Variants in MYO10 observed in about 807,000 individuals in gnomAD.
MYO10 encodes myosin X.
A neutral mutation model predicts 257.3 loss-of-function variants in MYO10; 133 were observed. The observed-to-expected ratio is 0.52, with a 90% CI of 0.45 to 0.60. The LOEUF (loss-of-function observed/expected upper bound fraction) is 0.60, where lower values mean the gene tolerates loss of function less well. MYO10 is among the 20% of genes least tolerant of loss of function. The probability of loss-of-function intolerance (pLI) is 0.00; values close to 1 mark genes in which losing one functional copy is unlikely to be tolerated. For missense variants in MYO10, 2,399 were observed against 2,635.7 expected, an observed-to-expected ratio of 0.91 and a Z score of 1.97; for synonymous variants, 1,104 against 1,028.6, an observed-to-expected ratio of 1.07 and a Z score of -1.40.
rs1736140583 is a variant in MYO10 at position 16,665,835 on chromosome 5, T to G, written c.*857A>C. Reference sequence around the variant, plus strand: ...GTTATCTTGTAGGCTGCTTATCTGTTTATAATACAGCAGACACAGATGGCA... The same window carrying G: ...GTTATCTTGTAGGCTGCTTATCTGTGTATAATACAGCAGACACAGATGGCA... On this transcript the variant is annotated 3_prime_UTR_variant, in exon 41 of 41. Transcript: ENST00000513610. 1.3e-5 allele frequency: 2 copies of G among 152,682 alleles called. 1 individual carries two copies. Among genetic ancestry groups the G allele is most frequent in the Admixed American group, 1.3e-4 (2 of 15,286 alleles). The allele number at this position is 152,682 out of a possible 1,614,324, so 9.5% of individuals were successfully genotyped here.
At chr5:16,833,980 A>C (rs1402021156) in intron 2 of MYO10, among the ~76,000 whole-genome samples, 2 of 152,152 alleles carry the variant, frequency 1.3e-5, no homozygotes, top group Admixed American at 1.3e-4. Flanking sequence ...CTTCGAGGAC[A>C]AAATATCAAT....
In MYO10 at chr5:16,835,427, GGAAGCTGAGGCACAA is replaced by G. The variant is rs562102715; in HGVS notation, c.121-17275_121-17261del. Among the ~76,000 whole-genome samples, 85 of 150,952 alleles carry G rather than the reference GGAAGCTGAGGCACAA, an allele frequency of 5.6e-4. 2 individuals carry two copies. In the East Asian group the frequency reaches 0.015, roughly 26 times the overall value. ...GCATGCCTGTAATCCCAGCTACTCGGGAAGCTGAGGCACAAGAAGCTGAGGTTCCAGTGAGCCGAG... is the reference window on the plus strand; with the variant it reads ...GCATGCCTGTAATCCCAGCTACTCGGGAAGCTGAGGTTCCAGTGAGCCGAG... On this transcript the variant is annotated intron_variant, in intron 2 of 40. Coordinates refer to ENST00000513610, the MANE Select transcript of MYO10 (RefSeq NM_012334.3).
At chr5:16,791,712 T>C (rs1357247109) in intron 4 of MYO10, among the ~76,000 whole-genome samples, 3 of 152,200 alleles carry the variant, frequency 2.0e-5, no homozygotes, top group Non-Finnish European at 2.9e-5. Flanking sequence ...AGGATCTAAG[T>C]GTGGACACCA....
Position 16,666,557 on chromosome 5 carries a change from C to T in MYO10, c.*135G>A, listed in dbSNP as rs935968245. 3.0e-6 allele frequency: 2 copies of T among 673,708 alleles called. No individual in the cohort carries two copies. Among genetic ancestry groups the T allele is most frequent in the Non-Finnish European group, 4.9e-6 (2 of 406,450 alleles). 41.7% of individuals were successfully genotyped at this position (673,708 alleles called of 1,614,324 possible). Reference sequence around the variant, plus strand: ...CAGGCAAAAGGATCCTCGGAGACACCTCCCTCAGACCAGAAGCTTCCAGAA... The same window carrying T: ...CAGGCAAAAGGATCCTCGGAGACACTTCCCTCAGACCAGAAGCTTCCAGAA... On this transcript the variant is annotated 3_prime_UTR_variant, in exon 41 of 41. Coordinates refer to ENST00000513610, the MANE Select transcript of MYO10 (RefSeq NM_012334.3).
intron 19 of MYO10, among the ~76,000 whole-genome samples, chr5:16,743,152 T>G (rs1275693907): frequency 1.3e-5 from 2 of 152,106 alleles, no homozygotes; most frequent in Admixed American, 6.6e-5. Context: ...TTATGGAATG[T>G]CAACGAGGTG....
chr5:16,815,563 T>G (rs1560999140), intron 3 of MYO10: 1 of 651,076 alleles, frequency 1.5e-6, no homozygotes, highest in Non-Finnish European at 2.8e-6. Context: ...TTATAAACAT[T>G]TATTGCACAA....
intron 4 of MYO10, among the ~76,000 whole-genome samples, chr5:16,792,663 A>T (rs977092697): frequency 6.6e-6 from 1 of 152,068 alleles, no homozygotes; most frequent in Admixed American, 6.6e-5. Flanking sequence ...ACCATCTGGG[A>T]ATCAGTTTCC....
rs563506612 is a variant in MYO10 at position 16,763,417 on chromosome 5, A to G, written c.1494+64T>C. 15 of 1,300,852 alleles carry G rather than the reference A, an allele frequency of 1.2e-5. 1 individual carries two copies. In the South Asian group the frequency reaches 1.8e-4, roughly 16 times the overall value. The allele number at this position is 1,300,852 out of a possible 1,614,324, so 80.6% of individuals were successfully genotyped here. ...TGTTCGTGCACGTTATTTTGTTCCC[A>G]TAAATATGAATCAGTCCAGCTGGAC... On this transcript the variant is annotated intron_variant, in intron 14 of 40. Transcript: ENST00000513610.
intron 19 of MYO10, among the ~76,000 whole-genome samples, chr5:16,739,505 G>A (rs1036277909): frequency 2.6e-5 from 4 of 152,014 alleles, no homozygotes; most frequent in African/African-American, 7.2e-5. Flanking sequence ...TCATAACAAC[G>A]TGCATATTCT....
chr5:16,877,846 C>T (rs779272992), intron 1 of MYO10, 139 bp from the exon 2 acceptor site: 112 of 673,568 alleles, frequency 1.7e-4, no homozygotes, highest in Non-Finnish European at 1.8e-4. Context: ...AAGCAAAGAA[C>T]AAATCTTCGC....
In MYO10 at chr5:16,673,907, A is replaced by G. The variant is rs1334564995; in HGVS notation, c.4965-18T>C. The G allele has an allele frequency of 6.2e-7, 1 of 1,610,962 alleles. No homozygotes were observed. The highest frequency in any genetic ancestry group is 1.7e-5 in the Admixed American group (1 of 59,988). On this transcript the variant is annotated intron_variant, in intron 35 of 40. Transcript: ENST00000513610. Reference sequence around the variant, plus strand: ...CCCGTATCCTAGGAGGCAAACACTAACTGTTAATTTTTAGACTGATGGGGG... The same window carrying G: ...CCCGTATCCTAGGAGGCAAACACTAGCTGTTAATTTTTAGACTGATGGGGG...
intron 3 of MYO10, among the ~76,000 whole-genome samples, chr5:16,811,111 G>A (rs551798250): frequency 1.3e-5 from 2 of 148,476 alleles, no homozygotes; most frequent in African/African-American, 5.0e-5. Flanking sequence ...AACAAATATA[G>A]TGGGGTCTGT....
At chr5:16,782,540 T>C (rs10073730) in intron 5 of MYO10, among the ~76,000 whole-genome samples, 3,710 of 152,278 alleles carry the variant, frequency 0.024, 138 homozygotes, top group African/African-American at 0.084. Flanking sequence ...CGCCGTACAC[T>C]GAAAAACAGT....
chr5:16,867,400 T>TGTGAAAAG (rs1321111283), intron 2 of MYO10, among the ~76,000 whole-genome samples: 5 of 151,408 alleles, frequency 3.3e-5, no homozygotes, highest in Middle Eastern at 3.4e-3. Context: ...AACAGGAGGG[T>TGTGAAAAG]GTGAAAAGGT....
At chr5:16,680,647 C>T (rs1736950967) in intron 32 of MYO10, among the ~76,000 whole-genome samples, 1 of 152,178 alleles carries the variant, frequency 6.6e-6, no homozygotes, top group Non-Finnish European at 1.5e-5. Flanking sequence ...AATAAGCCAT[C>T]TTCTGGAAAC....
At chr5:16,812,967 G>C (rs146465040) in intron 3 of MYO10, among the ~76,000 whole-genome samples, 2 of 149,490 alleles carry the variant, frequency 1.3e-5, no homozygotes, top group South Asian at 2.1e-4. Context: ...CATTTCAATA[G>C]AAGATGCCAA....
intron 19 of MYO10, among the ~76,000 whole-genome samples, chr5:16,743,402 G>A (rs976683963): frequency 1.3e-5 from 2 of 152,126 alleles, no homozygotes; most frequent in Non-Finnish European, 2.9e-5. Context: ...CAGCACTTTG[G>A]GAGGCCGAGG....
chr5:16,883,426 T>G (rs1321945441), intron 1 of MYO10, among the ~76,000 whole-genome samples: 1 of 152,120 alleles, frequency 6.6e-6, no homozygotes, highest in Non-Finnish European at 1.5e-5. Flanking sequence ...TAACATAGAC[T>G]AGAGGGGCTA....
rs1293957854 is a variant in MYO10, at chr5:16,780,760, G to A, written c.728-19C>T. Reference sequence around the variant, plus strand: ...AATAAATCTTCATGTGAAAAGCAATGGCAAGTCAAGGAAAAAAACAAAGCT... The same window carrying A: ...AATAAATCTTCATGTGAAAAGCAATAGCAAGTCAAGGAAAAAAACAAAGCT... On this transcript the variant is annotated intron_variant, in intron 6 of 40. Coordinates refer to ENST00000513610, the MANE Select transcript of MYO10 (RefSeq NM_012334.3). The A allele has an allele frequency of 6.4e-7, 1 of 1,567,506 alleles. No homozygotes were observed. Among genetic ancestry groups the A allele is most frequent in the Non-Finnish European group, 8.7e-7 (1 of 1,154,754 alleles).
Sources: gnomAD v4.1 joint callset for allele counts (sites outside exome capture counted in the v4.1 genomes callset) on GRCh38, gnomAD v4.1.1 for gene constraint, MANE v1.5 for transcripts, NCBI Gene and HGNC (gene_info 2026-07-23, HGNC 2026-07-21) for gene names.